Variants in NEDD4L observed in about 807,000 individuals in gnomAD.
NEDD4L encodes E3 ubiquitin-protein ligase NEDD4-like.
In NEDD4L, 54 loss-of-function variants were observed where a neutral mutation model predicts 148.9. That is an observed-to-expected ratio of 0.36 (90% confidence interval 0.29 to 0.45). The LOEUF is 0.45. Ranked by LOEUF, NEDD4L falls within the 20% of genes least tolerant of loss-of-function variation. NEDD4L has a pLI of 1.00. For synonymous variants in NEDD4L, 433 were observed against 440.7 expected, an observed-to-expected ratio of 0.98 and a Z score of 0.22; for missense variants, 856 against 1,233.8, an observed-to-expected ratio of 0.69 and a Z score of 4.59.
At chr18:58,278,114 G>T (rs1031161201) in intron 5 of NEDD4L, among the ~76,000 whole-genome samples, 1 of 151,798 alleles carries the variant, frequency 6.6e-6, no homozygotes, top group Non-Finnish European at 1.5e-5. Context: ...AAAAAAAATT[G>T]AAGCAAGTCC....
rs189507683 is a variant in NEDD4L, at chr18:58,085,108, T to C, written c.48+40400T>C. ...AATGGCCTCATTTTAACTTAATCACTTCTTTAAAGTCCCAGTCTCCAAATA... is the reference window on the plus strand; with the variant it reads ...AATGGCCTCATTTTAACTTAATCACCTCTTTAAAGTCCCAGTCTCCAAATA... On this transcript the variant is annotated intron_variant, in intron 1 of 30. Transcript: ENST00000400345. Among the ~76,000 whole-genome samples the C allele has an allele frequency of 1.7e-4, 26 of 152,310 alleles. No homozygotes were observed. The East Asian group carries it at 4.8e-3, about 28-fold the overall frequency.
chr18:58,355,473 T>C (rs1386782620), intron 18 of NEDD4L, among the ~76,000 whole-genome samples: 1 of 152,210 alleles, frequency 6.6e-6, no homozygotes, highest in African/African-American at 2.4e-5. Flanking sequence ...TCAGGTCTGG[T>C]CTGAGGACTT....
At chr18:58,275,286 CTCACA>C (rs1427234881) in intron 5 of NEDD4L, among the ~76,000 whole-genome samples, 6 of 152,112 alleles carry the variant, frequency 3.9e-5, no homozygotes, top group African/African-American at 1.2e-4. Context: ...CCTCACTGTC[CTCACA>C]TTGAGTAAGC....
chr18:58,279,613 A>G (rs1331420891), intron 5 of NEDD4L, among the ~76,000 whole-genome samples: 2 of 152,238 alleles, frequency 1.3e-5, no homozygotes, highest in Non-Finnish European at 2.9e-5. Context: ...TGGTGTCAGT[A>G]GGATTTTTTG....
intron 1 of NEDD4L, among the ~76,000 whole-genome samples, chr18:58,106,783 T>G (rs1343988688): frequency 6.6e-6 from 1 of 152,166 alleles, no homozygotes; most frequent in African/African-American, 2.4e-5. Flanking sequence ...TCATACCTAT[T>G]TTGCATGAGA....
At chr18:58,067,022 AT>A (rs2082635467) in intron 1 of NEDD4L, among the ~76,000 whole-genome samples, 1 of 152,192 alleles carries the variant, frequency 6.6e-6, no homozygotes. Flanking sequence ...AGAATTTGTC[AT>A]TTTAAAAAAA....
At chr18:58,056,476 C>T (rs61443347) in intron 1 of NEDD4L, among the ~76,000 whole-genome samples, 2,743 of 152,330 alleles carry the variant, frequency 0.018, 77 homozygotes, top group African/African-American at 0.063. Context: ...GGGATGTCTT[C>T]AGGAACCAGG....
chr18:58,181,727 T>A (rs2038888362), intron 2 of NEDD4L, among the ~76,000 whole-genome samples: 1 of 152,210 alleles, frequency 6.6e-6, no homozygotes, highest in Non-Finnish European at 1.5e-5. Context: ...AGAAAAATAT[T>A]GTTATATAAA....
intron 6 of NEDD4L, among the ~76,000 whole-genome samples, chr18:58,321,184 A>G (rs1409690205): frequency 6.6e-6 from 1 of 152,244 alleles, no homozygotes. Context: ...TAGTATGTCA[A>G]CAAATGAACA....
At chr18:58,322,541 T>TCGGAAG in intron 7 of NEDD4L, 55 bp downstream of exon 7, 1 of 1,184,600 alleles carries the variant, frequency 8.4e-7, no homozygotes, top group Non-Finnish European at 1.2e-6. Flanking sequence ...GCTGTAGGTA[T>TCGGAAG]AGGTGGGGAT....
intron 5 of NEDD4L, among the ~76,000 whole-genome samples, chr18:58,299,470 A>G (rs557189478): frequency 4.3e-4 from 65 of 152,278 alleles, no homozygotes; most frequent in Non-Finnish European, 8.1e-4. Context: ...AGAAAAATAC[A>G]GTATGTACTA....
chr18:58,246,288 G>A (rs1491003310), intron 3 of NEDD4L, among the ~76,000 whole-genome samples: 2 of 152,086 alleles, frequency 1.3e-5, no homozygotes, highest in Admixed American at 1.3e-4. Context: ...GGCACACCAG[G>A]AATAGTTTAA....
At chr18:58,342,726 T>C (rs1284771698) in intron 15 of NEDD4L, among the ~76,000 whole-genome samples, 180 bp from the exon 16 acceptor site, 2 of 152,218 alleles carry the variant, frequency 1.3e-5, no homozygotes, top group Admixed American at 6.5e-5. Flanking sequence ...TGTGTGTTTA[T>C]CCAACAGAGA....
At chr18:58,220,380 G>A (rs1002426606) in intron 2 of NEDD4L, among the ~76,000 whole-genome samples, 22 of 149,996 alleles carry the variant, frequency 1.5e-4, no homozygotes, top group Non-Finnish European at 2.4e-4. Context: ...CAGCCTGGGT[G>A]ACAGAGTGAG....
chr18:58,187,793 C>A (rs530899), intron 2 of NEDD4L, among the ~76,000 whole-genome samples: 104,531 of 152,066 alleles, frequency 0.69, 36,162 homozygotes, highest in African/African-American at 0.75. Context: ...TCACATTAAA[C>A]ATCAGAAAAT....
chr18:58,146,865 T>A (rs1278802266), intron 1 of NEDD4L, among the ~76,000 whole-genome samples: 1 of 151,706 alleles, frequency 6.6e-6, no homozygotes, highest in Non-Finnish European at 1.5e-5. Context: ...GAACAAGGGA[T>A]CCATGTTTTC....
rs536817697 is a variant in NEDD4L at position 58,234,176 on chromosome 18, C to G, written c.123-11251C>G. ...TTCTTTCTTCTTTTTCTCTCTCTTT[C>G]TTTCTTTCCTTCCTTCCCCCCTTCC... On this transcript the variant is annotated intron_variant, in intron 2 of 30. Coordinates refer to ENST00000400345, the MANE Select transcript of NEDD4L (RefSeq NM_001144967.3). 6.2e-5 allele frequency among the ~76,000 whole-genome samples: 9 copies of G among 144,892 alleles called. No individual in the cohort carries two copies. In the East Asian group the frequency reaches 1.8e-3, roughly 29 times the overall value.
At chr18:58,345,931 T>G (rs1016619928) in intron 16 of NEDD4L, among the ~76,000 whole-genome samples, 4 of 93,588 alleles carry the variant, frequency 4.3e-5, no homozygotes, top group Non-Finnish European at 8.6e-5. Context: ...TTGTTTTTTG[T>G]TTTTTTTAGC....
At chr18:58,345,404 T>G (rs1333261369) in intron 16 of NEDD4L, among the ~76,000 whole-genome samples, 2 of 152,214 alleles carry the variant, frequency 1.3e-5, no homozygotes. Context: ...GTTTTAGGGT[T>G]TGCTTTGTTT....
Sources: allele counts gnomAD v4.1 joint callset (sites outside exome capture counted in the v4.1 genomes callset), GRCh38; gene constraint gnomAD v4.1.1; transcripts MANE v1.5; gene names NCBI Gene and HGNC (gene_info 2026-07-23, HGNC 2026-07-21).